The following LTO1 variants were observed in gnomAD, a reference collection of about 807,000 sequenced individuals.
LTO1 encodes LTO1 maturation factor of ABCE1, also known as protein LTO1 homolog.
LTO1 carries 18 observed loss-of-function variants against 19.8 expected under a neutral mutation model. The ratio of observed to expected loss-of-function variants is 0.91; its 90% CI spans 0.63 to 1.35. The LOEUF is 1.35. Among genes scored for constraint, LTO1 ranks in the 40% most tolerant of loss-of-function variants. LTO1 has a pLI of 0.00. For missense variants in LTO1, 175 were observed against 167.9 expected (o/e 1.04, Z -0.23); for synonymous variants, 59 against 59.6 (o/e 0.99, Z 0.05).
intron 3 of LTO1, among the ~76,000 whole-genome samples, chr11:69,670,798 T>A (rs1011083827): frequency 1.3e-5 from 2 of 152,128 alleles, no homozygotes; most frequent in Admixed American, 1.3e-4. Flanking sequence ...AACAGCAGAG[T>A]ATCCAAACCA....
chr11:69,674,603 C>T (rs1856160492), intron 1 of LTO1: 5 of 369,454 alleles, frequency 1.4e-5, no homozygotes, highest in Admixed American at 3.5e-5. Context: ...CAGTGTCTGA[C>T]TCACAGCGCG....
At chr11:69,672,525 GA>G (rs11301941) in intron 2 of LTO1, 13,386 of 148,424 alleles carry the variant, frequency 0.09, 1,368 homozygotes, top group African/African-American at 0.26. Context: ...GGCAAGAAGA[GA>G]AAAAAAAAAA....
At chr11:69,668,744 T>C (rs1856068447) in intron 3 of LTO1, among the ~76,000 whole-genome samples, 1 of 151,112 alleles carries the variant, frequency 6.6e-6, no homozygotes, top group East Asian at 1.9e-4. Flanking sequence ...ATAACTGACA[T>C]GGGCCGGGCT....
chr11:69,667,136 C>A lies in LTO1; in HGVS notation c.*383G>T. 5.2e-6 allele frequency: 1 copy of A among 190,618 alleles called. No homozygotes were observed. The highest frequency in any genetic ancestry group is 1.1e-5 in the Non-Finnish European group (1 of 94,130). 11.8% of individuals were successfully genotyped at this position (190,618 alleles called of 1,614,324 possible). On this transcript the variant is annotated 3_prime_UTR_variant, in exon 5 of 5. Coordinates refer to ENST00000279147, the MANE Select transcript of LTO1 (RefSeq NM_153451.3). ...CCCATGAGCCTCATTCGGGGCCAAC[C>A]ATCTCTCTCATTGCAAATAATAATA...
intron 4 of LTO1, 36 bp from the exon 5 acceptor site, chr11:69,667,623 T>C: frequency 2.8e-6 from 4 of 1,448,946 alleles, no homozygotes; most frequent in Non-Finnish European, 1.9e-6. Flanking sequence ...TTTAATCTTG[T>C]GCATTTTTAC....
At chr11:69,669,211 A>G (rs1322569721) in intron 3 of LTO1, among the ~76,000 whole-genome samples, 2 of 152,110 alleles carry the variant, frequency 1.3e-5, no homozygotes, top group African/African-American at 2.4e-5. Flanking sequence ...TTTTCAATGA[A>G]CCACAGGTGG....
chr11:69,668,023 C>T lies in LTO1; in HGVS notation c.228-11G>A, dbSNP rs772544058. On this transcript the variant is annotated splice_polypyrimidine_tract_variant and intron_variant, in intron 3 of 4. Coordinates refer to ENST00000279147, the MANE Select transcript of LTO1 (RefSeq NM_153451.3). ...ACCTTCATCTTTCTGCTGTAAAGCA[C>T]AGAAATACAGACTCTCAGTCATGTG... 1 of 1,236,872 alleles carries T rather than the reference C, an allele frequency of 8.1e-7. No individual in the cohort carries two copies. The highest frequency in any genetic ancestry group is 1.2e-5 in the South Asian group (1 of 83,474). The allele number at this position is 1,236,872 out of a possible 1,614,324, so 76.6% of individuals were successfully genotyped here.
Position 69,673,395 on chromosome 11 carries a change from G to C in LTO1, c.51-74C>G, listed in dbSNP as rs1253899419. 1.1e-5 allele frequency: 11 copies of C among 1,001,216 alleles called. No individual in the cohort carries two copies. The South Asian group carries it at 1.3e-4, about 12-fold the overall frequency. The allele number at this position is 1,001,216 out of a possible 1,614,324, so 62.0% of individuals were successfully genotyped here. A position where few individuals can be genotyped will look rare whatever the true frequency, so the allele number is the denominator to read the frequency against. On this transcript the variant is annotated intron_variant, in intron 1 of 4. Transcript: ENST00000279147. Reference sequence around the variant, plus strand: ...TTCTCCAGAAAAACTTCTCTCTCTTGTATTACCCGGACCCAGTAAGACAAA... The same window carrying C: ...TTCTCCAGAAAAACTTCTCTCTCTTCTATTACCCGGACCCAGTAAGACAAA...
chr11:69,668,359 A>G (rs1856063666), intron 3 of LTO1: 1 of 203,810 alleles, frequency 4.9e-6, no homozygotes, highest in African/African-American at 2.3e-5. Context: ...GCTGGGCACG[A>G]GCAGGCCTGC....
At chr11:69,667,715 TTTC>T in intron 4 of LTO1, 128 bp from the exon 5 acceptor site, 1 of 748,576 alleles carries the variant, frequency 1.3e-6, no homozygotes, top group Non-Finnish European at 2.3e-6. Flanking sequence ...TCTAACTCCT[TTTC>T]TCTGGACTGT....
At position 69,667,478 on chromosome 11, in the gene LTO1, CAT is replaced by C. The variant is rs1417225579; in HGVS notation, c.*39_*40del. Reference sequence around the variant, plus strand: ...CGCATTTCTAAACACGTCACACACACATCTGTTCCTCGACGTTCGGTCTCTGT... The same window carrying C: ...CGCATTTCTAAACACGTCACACACACCTGTTCCTCGACGTTCGGTCTCTGT... On this transcript the variant is annotated 3_prime_UTR_variant, in exon 5 of 5. Transcript: ENST00000279147. 2 of 1,291,874 alleles carry C rather than the reference CAT, an allele frequency of 1.5e-6. No individual in the cohort carries two copies. Among genetic ancestry groups the C allele is most frequent in the Non-Finnish European group, 2.3e-6 (2 of 886,340 alleles). 80.0% of individuals were successfully genotyped at this position (1,291,874 alleles called of 1,614,324 possible). A position where few individuals can be genotyped will look rare whatever the true frequency, so the allele number is the denominator to read the frequency against.
chr11:69,667,773 G>C (rs937408051), intron 4 of LTO1, 122 bp downstream of exon 4: 1 of 728,542 alleles, frequency 1.4e-6, no homozygotes, highest in East Asian at 2.6e-5. Flanking sequence ...GCGCCTCTAC[G>C]GACAGTTCCG....
intron 1 of LTO1, 26 bp from the exon 2 acceptor site, chr11:69,673,347 A>C (rs1590924652): frequency 1.4e-6 from 2 of 1,409,656 alleles, no homozygotes; most frequent in East Asian, 4.6e-5. Context: ...ATGCTTCATC[A>C]AATCAACAGG....
Position 69,666,252 on chromosome 11 carries a change from C to T in LTO1, c.*1267G>A, listed in dbSNP as rs999308797. The T allele has an allele frequency of 6.6e-6, 1 of 152,276 alleles. No individual in the cohort carries two copies. The highest frequency in any genetic ancestry group is 2.4e-5 in the African/African-American group (1 of 41,466). 9.4% of individuals were successfully genotyped at this position (152,276 alleles called of 1,614,324 possible). On this transcript the variant is annotated 3_prime_UTR_variant, in exon 5 of 5. Transcript: ENST00000279147. ...CTTCTCTGGCTCCTGCAGCCGGCAG[C>T]TTAGGCAGCACAACACAATCCACTA...
intron 1 of LTO1, among the ~76,000 whole-genome samples, chr11:69,673,938 G>A (rs1019883564): frequency 1.7e-4 from 26 of 152,018 alleles, no homozygotes; most frequent in African/African-American, 4.6e-4. Flanking sequence ...CTCACTGCAA[G>A]CTCTGCTTCC....
At position 69,671,817 on chromosome 11, in the gene LTO1, G is replaced by T. The variant is rs554259450; in HGVS notation, c.159C>A (p.Ile53=). 1.3e-6 allele frequency: 2 copies of T among 1,571,310 alleles called. No individual in the cohort carries two copies. The highest frequency in any genetic ancestry group is 1.8e-6 in the Non-Finnish European group (2 of 1,141,028). Residue 53 remains isoleucine (I), a splice_region_variant and synonymous_variant, in exon 3 of 5, where the codon ATC becomes ATA. Coordinates refer to ENST00000279147, the MANE Select transcript of LTO1 (RefSeq NM_153451.3). ...TLHGAKIGSE[I]GCYQGFAFAW... Reference sequence around the variant, plus strand: ...CAAAAGCAAAACCTTGGTAGCACCCGATCTGTGAATGTGAAAAATATTTAA... The same window carrying T: ...CAAAAGCAAAACCTTGGTAGCACCCTATCTGTGAATGTGAAAAATATTTAA...
In LTO1 at chr11:69,668,099, C is replaced by A. The variant is rs1856060473; in HGVS notation, c.228-87G>T. 5.4e-5 allele frequency: 38 copies of A among 709,298 alleles called. 1 individual carries two copies. In the South Asian group the frequency reaches 5.9e-4, roughly 11 times the overall value. The allele number at this position is 709,298 out of a possible 1,614,324, so 43.9% of individuals were successfully genotyped here. A position where few individuals can be genotyped will look rare whatever the true frequency, so the allele number is the denominator to read the frequency against. On this transcript the variant is annotated intron_variant, in intron 3 of 4. Coordinates refer to ENST00000279147, the MANE Select transcript of LTO1 (RefSeq NM_153451.3). The stretch of plus-strand genomic sequence containing the variant: ...CAGCTATGCTGCTGGCTTCCTGAAA[C>A]CCAGCAGGTGCGCTAAGAATGCCTT...
chr11:69,667,442 TG>T lies in LTO1; in HGVS notation c.*76del. On this transcript the variant is annotated 3_prime_UTR_variant, in exon 5 of 5. Coordinates refer to ENST00000279147, the MANE Select transcript of LTO1 (RefSeq NM_153451.3). ...GAACAACTGCCTTCCCAGCACCGTC[TG>T]GCCCTTCACCGCATTTCTAAACACG... The T allele has an allele frequency of 1.0e-6, 1 of 972,104 alleles. No homozygotes were observed. Among genetic ancestry groups the T allele is most frequent in the East Asian group, 2.4e-5 (1 of 41,888 alleles). The allele number at this position is 972,104 out of a possible 1,614,324, so 60.2% of individuals were successfully genotyped here.
chr11:69,668,106 G>T, intron 3 of LTO1, 94 bp from the exon 4 acceptor site: 1 of 693,296 alleles, frequency 1.4e-6, no homozygotes, highest in Non-Finnish European at 2.6e-6. Context: ...AAACCCAGCA[G>T]GTGCGCTAAG....
Sources: gnomAD v4.1 joint callset for allele counts (sites outside exome capture counted in the v4.1 genomes callset) on GRCh38, gnomAD v4.1.1 for gene constraint, MANE v1.5 for transcripts, NCBI Gene and HGNC (gene_info 2026-07-23, HGNC 2026-07-21) for gene names.